Variants in WWOX observed in about 807,000 individuals in gnomAD.
WWOX encodes WW domain-containing oxidoreductase.
A neutral mutation model predicts 46.2 loss-of-function variants in WWOX; 69 were observed. That is an observed-to-expected ratio of 1.49 (90% CI 1.23 to 1.82). The LOEUF is 1.82. Among genes scored for constraint, WWOX ranks in the 40% most tolerant of loss-of-function variants. The probability of loss-of-function intolerance (pLI) is 0.00; values close to 1 mark genes in which losing one functional copy is unlikely to be tolerated. For synonymous variants in WWOX, 359 were observed against 202.6 expected (o/e 1.77, Z -6.56); for missense variants, 919 against 542.6 (o/e 1.69, Z -6.89).
In WWOX at chr16:78,946,346, T is replaced by C. The variant is rs112724733; in HGVS notation, c.1057-265262T>C. 9.2e-5 allele frequency among the ~76,000 whole-genome samples: 14 copies of C among 152,126 alleles called. 1 individual carries two copies. Among genetic ancestry groups the C allele is most frequent in the African/African-American group, 2.7e-4 (11 of 41,494 alleles). On this transcript the variant is annotated intron_variant, in intron 8 of 8. Coordinates refer to ENST00000566780, the MANE Select transcript of WWOX (RefSeq NM_016373.4). The stretch of plus-strand genomic sequence containing the variant: ...CTGGGATTACAGGGATGCGCCACCA[T>C]GCCCAGCTAATTTTTTGTATTTTTA...
At chr16:79,051,412 C>A (rs531337418) in intron 8 of WWOX, among the ~76,000 whole-genome samples, 3 of 152,172 alleles carry the variant, frequency 2.0e-5, no homozygotes, top group Non-Finnish European at 4.4e-5. Flanking sequence ...ATTCAGGAAC[C>A]CAGGCTCCTT....
chr16:78,495,461 G>GT (rs35245820), intron 8 of WWOX, among the ~76,000 whole-genome samples: 97,068 of 148,264 alleles, frequency 0.65, 34,783 homozygotes, highest in East Asian at 0.83. Context: ...TTTTGATAGG[G>GT]TTTTTTTTCT....
At chr16:78,169,446 T>G (rs2035078079) in intron 5 of WWOX, among the ~76,000 whole-genome samples, 1 of 138,574 alleles carries the variant, frequency 7.2e-6, no homozygotes, top group Non-Finnish European at 1.6e-5. Context: ...CATATCCCAC[T>G]CCCTGTCTTG....
intron 8 of WWOX, among the ~76,000 whole-genome samples, chr16:78,888,557 CT>C (rs1172612550): frequency 6.6e-6 from 1 of 152,164 alleles, no homozygotes; most frequent in Non-Finnish European, 1.5e-5. Context: ...TCAAAGACGG[CT>C]TTTGTTTGTT....
intron 4 of WWOX, among the ~76,000 whole-genome samples, chr16:78,120,487 G>A (rs962742954): frequency 2.0e-5 from 3 of 151,750 alleles, no homozygotes; most frequent in Admixed American, 6.6e-5. Flanking sequence ...GGAGAATGGC[G>A]TGAACCCGGG....
At chr16:78,401,516 C>G (rs901092718) in intron 6 of WWOX, among the ~76,000 whole-genome samples, 1 of 152,018 alleles carries the variant, frequency 6.6e-6, no homozygotes, top group Non-Finnish European at 1.5e-5. Flanking sequence ...TGTATCCTGT[C>G]TTGGTATTGT....
chr16:78,283,746 A>G (rs557664205), intron 5 of WWOX, among the ~76,000 whole-genome samples: 1 of 152,150 alleles, frequency 6.6e-6, no homozygotes, highest in African/African-American at 2.4e-5. Flanking sequence ...CCCCCAAACA[A>G]TGGTTACATA....
chr16:78,246,780 G>T (rs1171553441), intron 5 of WWOX, among the ~76,000 whole-genome samples: 2 of 152,194 alleles, frequency 1.3e-5, no homozygotes, highest in Non-Finnish European at 2.9e-5. Context: ...GTGGCGTGGG[G>T]CGGTGTGTTT....
intron 8 of WWOX, among the ~76,000 whole-genome samples, chr16:79,087,945 G>T (rs534603390): frequency 6.6e-6 from 1 of 152,082 alleles, no homozygotes; most frequent in Non-Finnish European, 1.5e-5. Flanking sequence ...GGCATTCATG[G>T]GTCTGTAGTC....
At chr16:78,522,618 G>A (rs1386494804) in intron 8 of WWOX, among the ~76,000 whole-genome samples, 1 of 152,226 alleles carries the variant, frequency 6.6e-6, no homozygotes, top group Non-Finnish European at 1.5e-5. Context: ...TATTTTATCA[G>A]CCGCAAGAGG....
chr16:78,630,662 G>A (rs1025861097), intron 8 of WWOX, among the ~76,000 whole-genome samples: 7 of 152,162 alleles, frequency 4.6e-5, no homozygotes, highest in Admixed American at 4.6e-4. Flanking sequence ...ATTTCCCTGT[G>A]CTCATTTTGC....
chr16:79,090,771 C>T (rs962580654), intron 8 of WWOX, among the ~76,000 whole-genome samples: 5 of 152,146 alleles, frequency 3.3e-5, no homozygotes, highest in Non-Finnish European at 5.9e-5. Context: ...GAGGCTTGGC[C>T]ATGCCCTGCC....
chr16:78,838,557 G>A (rs1194559649), intron 8 of WWOX, among the ~76,000 whole-genome samples: 3 of 152,156 alleles, frequency 2.0e-5, no homozygotes, highest in African/African-American at 7.2e-5. Context: ...ATAGAAAACA[G>A]ATGGCTGGGC....
intron 5 of WWOX, among the ~76,000 whole-genome samples, chr16:78,309,683 A>G (rs903612288): frequency 1.3e-5 from 2 of 152,206 alleles, no homozygotes; most frequent in Admixed American, 6.5e-5. Context: ...AAACTTCTTT[A>G]AATATTTTAG....
chr16:78,388,411 C>T (rs1369854482), intron 6 of WWOX, among the ~76,000 whole-genome samples: 1 of 152,030 alleles, frequency 6.6e-6, no homozygotes, highest in Non-Finnish European at 1.5e-5. Flanking sequence ...GTTTGGGAGG[C>T]CAAGGCGGGG....
At chr16:78,959,767 C>G (rs372016072) in intron 8 of WWOX, among the ~76,000 whole-genome samples, 1 of 152,098 alleles carries the variant, frequency 6.6e-6, no homozygotes, top group Non-Finnish European at 1.5e-5. Flanking sequence ...TTGATGAATC[C>G]GAGACAAGTG....
chr16:79,167,456 T>C (rs1597439567), intron 8 of WWOX, among the ~76,000 whole-genome samples: 1 of 152,120 alleles, frequency 6.6e-6, no homozygotes, highest in East Asian at 1.9e-4. Flanking sequence ...GGGAGACATT[T>C]AGTGAAGGAA....
At chr16:78,730,101 G>C (rs1367023463) in intron 8 of WWOX, among the ~76,000 whole-genome samples, 1 of 152,020 alleles carries the variant, frequency 6.6e-6, no homozygotes, top group African/African-American at 2.4e-5. Flanking sequence ...TTTACTCCTT[G>C]CTATAAACGC....
intron 8 of WWOX, among the ~76,000 whole-genome samples, chr16:78,666,785 G>C (rs1022078693): frequency 3.3e-5 from 5 of 152,184 alleles, no homozygotes; most frequent in Non-Finnish European, 5.9e-5. Flanking sequence ...ATTAGTGATT[G>C]AAAGGAGGAG....
Sources: gnomAD v4.1 joint callset for allele counts (sites outside exome capture counted in the v4.1 genomes callset) on GRCh38, gnomAD v4.1.1 for gene constraint, MANE v1.5 for transcripts, NCBI Gene and HGNC (gene_info 2026-07-23, HGNC 2026-07-21) for gene names.